Variants in ECE2 observed in about 807,000 individuals in gnomAD.
ECE2 encodes the protein endothelin converting enzyme 2.
ECE2 carries 81 observed loss-of-function variants against 100.6 expected under a neutral mutation model. The observed-to-expected ratio is 0.81, with a 90% CI of 0.67 to 0.97. The LOEUF is 0.97. ECE2 is among the 50% of genes least tolerant of loss of function. ECE2 has a pLI of 0.00. For synonymous variants in ECE2, 391 were observed against 391.5 expected (o/e 1.00, Z 0.02); for missense variants, 911 against 988.1 (o/e 0.92, Z 1.05).
rs1008898170 is a variant in ECE2, at chr3:184,285,596, G to A, written c.1263+4G>A. The A allele has an allele frequency of 6.2e-7, 1 of 1,609,118 alleles. No homozygotes were observed. Among genetic ancestry groups the A allele is most frequent in the African/African-American group, 1.3e-5 (1 of 74,786 alleles). On this transcript the variant is annotated splice_donor_region_variant and intron_variant, in intron 10 of 18. Coordinates refer to ENST00000404464, the MANE Select transcript of ECE2 (RefSeq NM_001100121.2). ...GACCCTCTATGGCACTAAGAAGGTG[G>A]GCTTTCTGATTTTGCCTCCACGTTC...
chr3:184,285,481 C>T lies in ECE2; in HGVS notation c.1152C>T (p.Ile384=), dbSNP rs1381148906. The change falls in exon 10 of 19, where the codon ATC becomes ATT. Residue 384 remains isoleucine (I), a synonymous_variant. Coordinates refer to ENST00000404464, the MANE Select transcript of ECE2 (RefSeq NM_001100121.2). ...TATTTTCTGGTCTGGTTGTCAGCATCCTGAACAATTACCTGATCTGGAACC... is the reference window on the plus strand; with the variant it reads ...TATTTTCTGGTCTGGTTGTCAGCATTCTGAACAATTACCTGATCTGGAACC... ...SELINRTEPS[I]LNNYLIWNLV... The T allele has an allele frequency of 6.2e-7, 1 of 1,613,416 alleles. No individual in the cohort carries two copies. Among genetic ancestry groups the T allele is most frequent in the Non-Finnish European group, 8.5e-7 (1 of 1,179,396 alleles).
At chr3:184,288,854 C>G (rs960057810) in intron 11 of ECE2, among the ~76,000 whole-genome samples, 2 of 152,160 alleles carry the variant, frequency 1.3e-5, no homozygotes, top group Non-Finnish European at 2.9e-5. Flanking sequence ...TTTTCATAAT[C>G]AGATAAAAAT....
At position 184,291,525 on chromosome 3, in the gene ECE2, T is replaced by C. The variant is rs766296143; in HGVS notation, c.2121+86T>C. 1 of 1,261,600 alleles carries C rather than the reference T, an allele frequency of 7.9e-7. No individual in the cohort carries two copies. Among genetic ancestry groups the C allele is most frequent in the Non-Finnish European group, 1.1e-6 (1 of 930,982 alleles). The allele number at this position is 1,261,600 out of a possible 1,614,324, so 78.2% of individuals were successfully genotyped here. On this transcript the variant is annotated intron_variant, in intron 18 of 18. Transcript: ENST00000404464. The surrounding 1 kb of genome is among the most constrained non-coding windows in gnomAD (Gnocchi z 4.1). ...CATTAGGAGAACTCTGGGGCACGTG[T>C]CAAACGGGCTGGTGAATGGGGCTGA...
At chr3:184,276,763 G>C (rs967533077) in intron 2 of ECE2, 129 bp from the exon 3 acceptor site, 44 of 1,559,414 alleles carry the variant, frequency 2.8e-5, no homozygotes, top group Non-Finnish European at 3.3e-5. Flanking sequence ...CAACTCACTG[G>C]CTGGCCTCAT....
In ECE2 at chr3:184,287,883, C is replaced by T. The variant is rs774043696; in HGVS notation, c.1310C>T (p.Ala437Val). The T allele has an allele frequency of 1.9e-5, 31 of 1,614,096 alleles. No individual in the cohort carries two copies. Among genetic ancestry groups the T allele is most frequent in the Non-Finnish European group, 2.6e-5 (31 of 1,180,046 alleles). The change falls in exon 11 of 19, where the codon GCC (alanine) becomes GTC (valine). Residue 437 changes from alanine (A) to valine (V), a missense_variant. By Grantham distance (64) the Ala-to-Val change is moderately conservative. Transcript: ENST00000404464. The stretch of plus-strand genomic sequence containing the variant: ...ACCTGCATCTCCAACACGGATGACG[C>T]CCTTGGCTTTGCTTTGGGGTCCCTC... ...WQTCISNTDD[A>V]LGFALGSLFV...
chr3:184,278,597 T>A, intron 7 of ECE2, 40 bp downstream of exon 7: 1 of 1,606,636 alleles, frequency 6.2e-7, no homozygotes, highest in South Asian at 1.1e-5. Flanking sequence ...TACCCCTGGC[T>A]GAGCTGGGCT....
At position 184,289,584 on chromosome 3, in the gene ECE2, A is replaced by G; in HGVS notation, c.1473+49A>G. The G allele has an allele frequency of 6.2e-7, 1 of 1,613,556 alleles. No homozygotes were observed. Among genetic ancestry groups the G allele is most frequent in the Non-Finnish European group, 8.5e-7 (1 of 1,179,492 alleles). ...CGCCATCTTGAGGTGGGGTTCAAGG[A>G]TACAGTTTTGCTAGGAACCTGGGGA... On this transcript the variant is annotated intron_variant, in intron 12 of 18. Coordinates refer to ENST00000404464, the MANE Select transcript of ECE2 (RefSeq NM_001100121.2). The surrounding 1 kb of genome is among the most constrained non-coding windows in gnomAD (Gnocchi z 4.1).
At chr3:184,280,602 G>C (rs1403592632) in intron 7 of ECE2, among the ~76,000 whole-genome samples, 1 of 152,196 alleles carries the variant, frequency 6.6e-6, no homozygotes, top group African/African-American at 2.4e-5. Flanking sequence ...CAAACACTTT[G>C]GGAGGCCAAG....
At position 184,291,404 on chromosome 3, in the gene ECE2, AC is replaced by A; in HGVS notation, c.2088del (p.Asn697ThrfsTer27). 1 of 1,604,500 alleles carries A rather than the reference AC, an allele frequency of 6.2e-7. No individual in the cohort carries two copies. The highest frequency in any genetic ancestry group is 8.5e-7 in the Non-Finnish European group (1 of 1,175,198). Reference sequence around the variant, plus strand: ...GCAGCAACTGCCAGCCGTGGGGCTCACCAACCACCAGCTCTTCTTCGTGGGA... The same window carrying A: ...GCAGCAACTGCCAGCCGTGGGGCTCACAACCACCAGCTCTTCTTCGTGGGA... ...EEQQLPAVGLTNHQLFFVGFA... is the reference protein window; with the variant it reads ...EEQQLPAVGLXNHQLFFVGFA... On this transcript the variant is annotated frameshift_variant, in exon 18 of 19. Transcript: ENST00000404464. LOFTEE classifies it high-confidence loss of function. The surrounding 1 kb of genome is among the most constrained non-coding windows in gnomAD (Gnocchi z 4.1).
intron 9 of ECE2, 148 bp downstream of exon 9, chr3:184,285,253 C>T: frequency 8.1e-7 from 1 of 1,239,170 alleles, no homozygotes; most frequent in Non-Finnish European, 1.1e-6. Flanking sequence ...GGCTTTTCCT[C>T]TGCGCTAGGG....
chr3:184,283,843 C>T lies in ECE2; in HGVS notation c.875C>T (p.Pro292Leu). 6.2e-7 allele frequency: 1 copy of T among 1,613,728 alleles called. No homozygotes were observed. Among genetic ancestry groups the T allele is most frequent in the Admixed American group, 1.7e-5 (1 of 59,954 alleles). The change falls in exon 8 of 19, where the codon CCC becomes CTC. Residue 292 changes from proline (P) to leucine (L), a missense_variant. Transcript: ENST00000404464. Reference sequence around the variant, plus strand: ...CTGGGGATGCTGCTGGGTGGGCGGCCCACCTCCACGAGGGAGCAGATGCAG... The same window carrying T: ...CTGGGGATGCTGCTGGGTGGGCGGCTCACCTCCACGAGGGAGCAGATGCAG... ...EELGMLLGGRPTSTREQMQQV... is the reference protein window; with the variant it reads ...EELGMLLGGRLTSTREQMQQV...
In ECE2 at chr3:184,283,939, AGATCTACCACAAGAT is replaced by A. The variant is rs1240973061; in HGVS notation, c.974_988del (p.Ile325_Met329del). 1.1e-5 allele frequency: 17 copies of A among 1,614,044 alleles called. No individual in the cohort carries two copies. Among genetic ancestry groups the A allele is most frequent in the Non-Finnish European group, 1.4e-5 (17 of 1,180,024 alleles). On this transcript the variant is annotated inframe_deletion, in exon 8 of 19. Coordinates refer to ENST00000404464, the MANE Select transcript of ECE2 (RefSeq NM_001100121.2). ...CAGGACCAGCGGCGCGACGAGGAGA[AGATCTACCACAAGAT>A]GAGCATTTCGGAGCTGCAGGTGGGG... is the stretch of plus-strand genomic sequence containing the variant.
rs760997766 is a variant in ECE2 at position 184,291,121 on chromosome 3, G to T, written c.1916G>T (p.Cys639Phe). The T allele has an allele frequency of 2.5e-6, 4 of 1,611,744 alleles. No homozygotes were observed. The highest frequency in any genetic ancestry group is 3.4e-6 in the Non-Finnish European group (4 of 1,178,784). Reference protein sequence around the residue: ...SLAAFRNHTACMEEQYNQYQV... With the variant: ...SLAAFRNHTAFMEEQYNQYQV... ...GCAGCCTTCCGGAACCACACGGCCTGCATGGAGGAACAGTACAATCAATAC... is the reference window on the plus strand; with the variant it reads ...GCAGCCTTCCGGAACCACACGGCCTTCATGGAGGAACAGTACAATCAATAC... Residue 639 changes from cysteine to phenylalanine, a missense_variant, in exon 17 of 19, where the codon TGC (cysteine) becomes TTC (phenylalanine). Cys to Phe is a radical substitution (Grantham distance 205, BLOSUM62 -2). Transcript: ENST00000404464. This position sits in a 1 kb window ranked among gnomAD's most constrained non-coding sequence, Gnocchi z 4.1.
At chr3:184,283,561 CAAAAAAA>C (rs35761542) in intron 7 of ECE2, among the ~76,000 whole-genome samples, 61 of 53,100 alleles carry the variant, frequency 1.1e-3, no homozygotes, top group African/African-American at 4.1e-3. Context: ...GACTCCATCT[CAAAAAAA>C]AAAAAAAAAA....
At chr3:184,277,666 T>C (rs1720626399) in intron 4 of ECE2, among the ~76,000 whole-genome samples, 200 bp downstream of exon 4, 1 of 152,150 alleles carries the variant, frequency 6.6e-6, no homozygotes, top group Admixed American at 6.5e-5. Context: ...CTGGGTACAA[T>C]GGAGGGCCGC....
Position 184,290,836 on chromosome 3 carries a change from T to C in ECE2, c.1810T>C (p.Leu604=). The part of the protein sequence containing the change: ...GGIGVVMGHE[L]THAFDDQGRE... ...CATCGGTGTGGTCATGGGCCATGAG[T>C]TGACGCATGCCTTTGATGACCAAGG... is the stretch of plus-strand genomic sequence containing the variant. Residue 604 remains leucine, a synonymous_variant, in exon 16 of 19, where the codon TTG becomes CTG. Transcript: ENST00000404464. The C allele has an allele frequency of 6.2e-7, 1 of 1,614,068 alleles. No individual in the cohort carries two copies. Among genetic ancestry groups the C allele is most frequent in the Non-Finnish European group, 8.5e-7 (1 of 1,179,998 alleles).
chr3:184,277,174 T>A (rs746471406), intron 3 of ECE2, 77 bp from the exon 4 acceptor site: 60 of 1,604,592 alleles, frequency 3.7e-5, no homozygotes, highest in Middle Eastern at 3.3e-4. Context: ...CCTGCTGTCA[T>A]GGCCCTTGCA....
Position 184,283,886 on chromosome 3 carries a change from G to A in ECE2, c.918G>A (p.Glu306=), listed in dbSNP as rs780562871. ...REQMQQVLEL[E]IQLANITVPQ... ...AGATGCAGCAGGTGCTGGAGTTGGA[G>A]ATACAGCTGGCCAACATCACAGTGC... is the stretch of plus-strand genomic sequence containing the variant. Residue 306 remains glutamate (E), a synonymous_variant, in exon 8 of 19, where the codon GAG becomes GAA. Transcript: ENST00000404464. The A allele has an allele frequency of 1.1e-5, 18 of 1,613,856 alleles. No homozygotes were observed. The Admixed American group carries it at 3.0e-4, about 27-fold the overall frequency.
chr3:184,277,488 G>A, intron 4 of ECE2, 22 bp downstream of exon 4: 1 of 1,612,198 alleles, frequency 6.2e-7, no homozygotes, highest in Non-Finnish European at 8.5e-7. Flanking sequence ...TGTTAGGGAG[G>A]CCTTGGGCCA....
Sources: allele counts gnomAD v4.1 joint callset (sites outside exome capture counted in the v4.1 genomes callset), GRCh38; gene constraint gnomAD v4.1.1; non-coding constraint Gnocchi (gnomAD v3.1); transcripts MANE v1.5; gene names NCBI Gene and HGNC (gene_info 2026-07-23, HGNC 2026-07-21).